The following RNF169 variants were observed in gnomAD, a reference collection of about 807,000 sequenced individuals.
The protein encoded by RNF169 is E3 ubiquitin-protein ligase RNF169.
RNF169 carries 24 observed loss-of-function variants against 53.9 expected under a neutral mutation model. The observed-to-expected ratio is 0.45, with a 90% CI of 0.32 to 0.63. RNF169 has a LOEUF of 0.63. Ranked by LOEUF, RNF169 falls within the 20% of genes least tolerant of loss-of-function variation. RNF169 has a pLI of 0.04. For synonymous variants in RNF169, 396 were observed against 363.5 expected (o/e 1.09, Z -1.02); for missense variants, 883 against 906.2 (o/e 0.97, Z 0.33).
intron 1 of RNF169, among the ~76,000 whole-genome samples, chr11:74,773,007 A>G (rs2035282326): frequency 6.6e-6 from 1 of 152,186 alleles, no homozygotes; most frequent in Admixed American, 6.5e-5. Context: ...GTCAAAATAG[A>G]TATATATTGG....
chr11:74,806,461 C>T (rs75063175), intron 2 of RNF169, among the ~76,000 whole-genome samples: 1,556 of 152,270 alleles, frequency 0.01, 30 homozygotes, highest in African/African-American at 0.033. Flanking sequence ...TTCTAAGATA[C>T]ACTCCAGAGA....
chr11:74,760,190 T>A (rs1194501833), intron 1 of RNF169, among the ~76,000 whole-genome samples: 2 of 151,364 alleles, frequency 1.3e-5, no homozygotes, highest in Non-Finnish European at 3.0e-5. Flanking sequence ...GTCTATTTGA[T>A]TCTTCTCTCT....
chr11:74,829,664 T>C (rs2036148247), intron 4 of RNF169, among the ~76,000 whole-genome samples: 1 of 152,208 alleles, frequency 6.6e-6, no homozygotes, highest in African/African-American at 2.4e-5. Flanking sequence ...TATGCAGTCA[T>C]TAAAAGGAAC....
At chr11:74,768,475 C>T (rs1591393056) in intron 1 of RNF169, among the ~76,000 whole-genome samples, 3 of 152,126 alleles carry the variant, frequency 2.0e-5, no homozygotes, top group Admixed American at 6.5e-5. Context: ...GGCGTGATGG[C>T]GCATGCCTGT....
At chr11:74,815,053 A>AG (rs1565184053) in intron 3 of RNF169, among the ~76,000 whole-genome samples, 1 of 151,922 alleles carries the variant, frequency 6.6e-6, no homozygotes, top group Admixed American at 6.6e-5. Flanking sequence ...CCTTTTTTTT[A>AG]GGTACAACAT....
chr11:74,835,458 C>T, intron 5 of RNF169, 88 bp from the exon 6 acceptor site: 2 of 990,132 alleles, frequency 2.0e-6, no homozygotes, highest in South Asian at 3.1e-5. Context: ...TCCTCCCCTT[C>T]CCTGTGCCTC....
chr11:74,803,949 A>G (rs1369422727), intron 2 of RNF169, among the ~76,000 whole-genome samples: 2 of 152,220 alleles, frequency 1.3e-5, no homozygotes, highest in African/African-American at 2.4e-5. Context: ...TTGGACCCAT[A>G]TCATATACTA....
At chr11:74,834,578 G>T (rs1396081092) in intron 4 of RNF169, 98 bp from the exon 5 acceptor site, 1 of 670,632 alleles carries the variant, frequency 1.5e-6, no homozygotes, top group East Asian at 2.9e-5. Flanking sequence ...ATTCTTTCCT[G>T]GTGAGTGGCT....
intron 1 of RNF169, among the ~76,000 whole-genome samples, chr11:74,761,575 T>C (rs1488272287): frequency 6.6e-6 from 1 of 152,124 alleles, no homozygotes; most frequent in East Asian, 1.9e-4. Flanking sequence ...TTATGAAGCT[T>C]AGTTTGGCTG....
chr11:74,797,471 C>T (rs1176967769), intron 2 of RNF169, among the ~76,000 whole-genome samples: 1 of 152,022 alleles, frequency 6.6e-6, no homozygotes, highest in Non-Finnish European at 1.5e-5. Flanking sequence ...TTTTTAAAAG[C>T]TTTTTCTTAT....
chr11:74,779,048 A>G (rs1400806254), intron 1 of RNF169, among the ~76,000 whole-genome samples: 3 of 152,268 alleles, frequency 2.0e-5, no homozygotes, highest in African/African-American at 7.2e-5. Context: ...TGGTCTGTCC[A>G]TAATCAGCCT....
chr11:74,771,800 C>A (rs2035264458), intron 1 of RNF169, among the ~76,000 whole-genome samples: 1 of 152,156 alleles, frequency 6.6e-6, no homozygotes, highest in Non-Finnish European at 1.5e-5. Flanking sequence ...TGCCTATGAT[C>A]CCAATACTTT....
At chr11:74,782,615 T>G (rs1486257197) in intron 1 of RNF169, among the ~76,000 whole-genome samples, 3 of 152,202 alleles carry the variant, frequency 2.0e-5, no homozygotes, top group African/African-American at 7.2e-5. Flanking sequence ...ACCACTGATA[T>G]GGATGGCCCC....
intron 4 of RNF169, among the ~76,000 whole-genome samples, chr11:74,828,820 C>T (rs556063391): frequency 6.6e-6 from 1 of 152,142 alleles, no homozygotes; most frequent in Non-Finnish European, 1.5e-5. Flanking sequence ...CTTCCTTACA[C>T]CATATAAAAA....
At chr11:74,809,737 T>C (rs1159059473) in intron 2 of RNF169, among the ~76,000 whole-genome samples, 1 of 152,218 alleles carries the variant, frequency 6.6e-6, no homozygotes, top group Non-Finnish European at 1.5e-5. Flanking sequence ...AGCATAAAAA[T>C]GTAGGACATT....
chr11:74,792,438 G>T (rs893591047), intron 2 of RNF169, among the ~76,000 whole-genome samples: 31 of 152,020 alleles, frequency 2.0e-4, no homozygotes, highest in Non-Finnish European at 8.8e-5. Flanking sequence ...GTCTTGCTCT[G>T]TTGCCCAGGC....
chr11:74,793,323 A>C (rs1022237136), intron 2 of RNF169, among the ~76,000 whole-genome samples: 16 of 152,208 alleles, frequency 1.1e-4, no homozygotes, highest in Admixed American at 2.6e-4. Context: ...GTTTCTACTG[A>C]GCAAAGGAAG....
intron 1 of RNF169, 120 bp downstream of exon 1, chr11:74,749,502 G>T: frequency 3.5e-6 from 3 of 862,202 alleles, no homozygotes; most frequent in Non-Finnish European, 4.4e-6. Context: ...GTTCTCGTGG[G>T]ATTAGAACCC....
At chr11:74,769,149 A>G (rs2035220743) in intron 1 of RNF169, among the ~76,000 whole-genome samples, 1 of 152,234 alleles carries the variant, frequency 6.6e-6, no homozygotes, top group Non-Finnish European at 1.5e-5. Flanking sequence ...TTGATATCCA[A>G]CATATATGAA....
Sources: allele counts gnomAD v4.1 joint callset (sites outside exome capture counted in the v4.1 genomes callset), GRCh38; gene constraint gnomAD v4.1.1; transcripts MANE v1.5; gene names NCBI Gene and HGNC (gene_info 2026-07-23, HGNC 2026-07-21).